ADAM22: variants seen among roughly 807,000 people sequenced by gnomAD.
ADAM22 encodes ADAM metallopeptidase domain 22.
ADAM22 carries 65 observed loss-of-function variants against 144.6 expected under a neutral mutation model. The observed-to-expected ratio is 0.45, with a 90% CI of 0.37 to 0.55. ADAM22 has a LOEUF of 0.55. Among genes scored for constraint, ADAM22 ranks in the 20% least tolerant of loss-of-function variants. ADAM22 has a pLI of 0.00. For synonymous variants in ADAM22, 391 were observed against 412.6 expected, an observed-to-expected ratio of 0.95 and a Z score of 0.63; for missense variants, 974 against 1,184.9, an observed-to-expected ratio of 0.82 and a Z score of 2.61.
intron 2 of ADAM22, among the ~76,000 whole-genome samples, chr7:87,964,258 A>G (rs968999248): frequency 3.2e-4 from 48 of 152,242 alleles, no homozygotes; most frequent in Admixed American, 3.9e-4. Flanking sequence ...TAATGTATAC[A>G]CGTGCACACA....
chr7:88,040,120 A>G (rs927465656), intron 3 of ADAM22, among the ~76,000 whole-genome samples: 2 of 151,480 alleles, frequency 1.3e-5, no homozygotes, highest in Non-Finnish European at 3.0e-5. Context: ...CAAGATCAAC[A>G]CTTCCATTTT....
chr7:88,127,699 ATTGAT>A (rs1389778068), intron 8 of ADAM22, among the ~76,000 whole-genome samples: 2 of 151,922 alleles, frequency 1.3e-5, no homozygotes, highest in African/African-American at 4.8e-5. Context: ...ACATATATGT[ATTGAT>A]TTAAGTTTGA....
chr7:87,947,148 A>C (rs751859644), intron 2 of ADAM22, among the ~76,000 whole-genome samples: 1 of 151,420 alleles, frequency 6.6e-6, no homozygotes, highest in Admixed American at 6.6e-5. Context: ...CCCAAATCTC[A>C]GCATCACTCA....
chr7:88,172,395 G>C (rs10281747), intron 26 of ADAM22, among the ~76,000 whole-genome samples: 22,908 of 151,704 alleles, frequency 0.15, 3,171 homozygotes, highest in African/African-American at 0.37. Context: ...CCTAGACCAG[G>C]TCTTACACAT....
At chr7:88,003,265 A>G (rs1051847271) in intron 3 of ADAM22, among the ~76,000 whole-genome samples, 1 of 152,346 alleles carries the variant, frequency 6.6e-6, no homozygotes, top group Non-Finnish European at 1.5e-5. Flanking sequence ...TCTTTGTTCC[A>G]GAAACTTTAT....
rs1449435828 is a variant in ADAM22 at position 87,935,085 on chromosome 7, A to G, written c.145A>G (p.Ser49Gly). The change falls in exon 2 of 32, where the codon AGC (serine) becomes GGC (glycine). Residue 49 changes from serine (S) to glycine (G), a missense_variant. Ser to Gly is a moderately conservative substitution (Grantham distance 56). Transcript: ENST00000413139. ...RKENRFVERQ[S>G]IVPLRLIYRS... ...GGAAAACCGCTTCGTGGAGCGCCAG[A>G]GCATCGTGCCACTGCGCCTCATCTA... 2.5e-6 allele frequency: 4 copies of G among 1,614,022 alleles called. No individual in the cohort carries two copies. The highest frequency in any genetic ancestry group is 3.4e-6 in the Non-Finnish European group (4 of 1,180,042).
intron 3 of ADAM22, among the ~76,000 whole-genome samples, chr7:88,021,993 C>G (rs1017297189): frequency 6.6e-6 from 1 of 152,042 alleles, no homozygotes; most frequent in African/African-American, 2.4e-5. Flanking sequence ...CCATTTCCGC[C>G]TCCCGAATGT....
rs2237535 is a variant in ADAM22 at position 87,965,427 on chromosome 7, A to C, written c.247-12909A>C. On this transcript the variant is annotated intron_variant, in intron 2 of 31. Coordinates refer to ENST00000413139, the MANE Select transcript of ADAM22 (RefSeq NM_001324418.2). ...TGTTTAAAGTTTGAAACATAGTTCC[A>C]TAGTTTATTATATGTAAATGTGTGA... Among the ~76,000 whole-genome samples the C allele has an allele frequency of 7.5e-3, 1,143 of 152,330 alleles. 14 individuals carry two copies. The highest frequency in any genetic ancestry group is 0.045 in the East Asian group (233 of 5,184).
intron 26 of ADAM22, among the ~76,000 whole-genome samples, chr7:88,175,625 T>G (rs1845461792): frequency 6.6e-6 from 1 of 152,182 alleles, no homozygotes; most frequent in African/African-American, 2.4e-5. Flanking sequence ...TATGAGAAAT[T>G]TGAGGTAATT....
chr7:88,147,102 T>G (rs1444117465), intron 17 of ADAM22, among the ~76,000 whole-genome samples: 1 of 152,210 alleles, frequency 6.6e-6, no homozygotes, highest in Admixed American at 6.5e-5. Flanking sequence ...ATATAATTAT[T>G]TCAAGGAACA....
chr7:87,992,158 T>C (rs563288922), intron 3 of ADAM22, among the ~76,000 whole-genome samples: 4 of 152,334 alleles, frequency 2.6e-5, no homozygotes, highest in Middle Eastern at 3.4e-3. Flanking sequence ...TAAAGCTTCA[T>C]AGAAAAATTG....
intron 2 of ADAM22, among the ~76,000 whole-genome samples, chr7:87,966,007 C>T (rs1193532190): frequency 6.6e-6 from 1 of 152,202 alleles, no homozygotes; most frequent in African/African-American, 2.4e-5. Context: ...CTTTTATATA[C>T]TCTCTTCACC....
intron 22 of ADAM22, among the ~76,000 whole-genome samples, chr7:88,157,178 T>G (rs557110419): frequency 6.6e-6 from 1 of 152,242 alleles, no homozygotes; most frequent in South Asian, 2.1e-4. Flanking sequence ...GAGGAAATTT[T>G]CAATGAGTAA....
intron 3 of ADAM22, among the ~76,000 whole-genome samples, chr7:88,057,050 G>A (rs961552874): frequency 6.6e-6 from 1 of 152,126 alleles, no homozygotes; most frequent in Non-Finnish European, 1.5e-5. Context: ...AATAAAAGCT[G>A]TATTGCTCAA....
rs947125244 is a variant in ADAM22 at position 87,963,346 on chromosome 7, A to T, written c.247-14990A>T. Reference sequence around the variant, plus strand: ...ACAACCCACCCAGTTTTCAGAAGTGAATAAGTTCTCCTAGGGTATCATTTG... The same window carrying T: ...ACAACCCACCCAGTTTTCAGAAGTGTATAAGTTCTCCTAGGGTATCATTTG... On this transcript the variant is annotated intron_variant, in intron 2 of 31. Transcript: ENST00000413139. Among the ~76,000 whole-genome samples the T allele has an allele frequency of 2.0e-5, 3 of 152,200 alleles. No individual in the cohort carries two copies. In the East Asian group the frequency reaches 5.8e-4, roughly 29 times the overall value.
Position 88,153,331 on chromosome 7 carries a change from GGTGGAGACGTCA to G in ADAM22, c.1787+7_1787+18del. The G allele has an allele frequency of 4.4e-6, 7 of 1,608,842 alleles. No homozygotes were observed. The highest frequency in any genetic ancestry group is 5.9e-6 in the Non-Finnish European group (7 of 1,176,560). ...ATGGATACAGTGCAACAAACGGTGA[GGTGGAGACGTCA>G]GCCCAGAATTCATCCCTTGGTCAAT... On this transcript the variant is annotated splice_donor_region_variant and intron_variant, in intron 21 of 31. Transcript: ENST00000413139.
chr7:87,987,867 T>C (rs183271049), intron 3 of ADAM22, among the ~76,000 whole-genome samples: 19 of 152,322 alleles, frequency 1.2e-4, no homozygotes, highest in Non-Finnish European at 2.2e-4. Flanking sequence ...TATTTTCCTG[T>C]GTTTCACCTG....
rs139971104 is a variant in ADAM22, at chr7:88,151,189, T to C, written c.1618-68T>C. The C allele has an allele frequency of 1.1e-5, 18 of 1,596,728 alleles. No individual in the cohort carries two copies. The African/African-American group carries it at 1.3e-4, about 12-fold the overall frequency. On this transcript the variant is annotated intron_variant, in intron 19 of 31. Transcript: ENST00000413139. The stretch of plus-strand genomic sequence containing the variant: ...CATCTATTATTTTTCCCAATCATAG[T>C]TTCTTTTTCAGTTATCTGACATAAG...
intron 4 of ADAM22, among the ~76,000 whole-genome samples, chr7:88,081,120 C>A (rs187478352): frequency 1.8e-3 from 272 of 152,280 alleles, no homozygotes; most frequent in African/African-American, 6.1e-3. Context: ...AATCCAGCAA[C>A]ACATCAAAAA....
Sources: allele counts gnomAD v4.1 joint callset (sites outside exome capture counted in the v4.1 genomes callset), GRCh38; gene constraint gnomAD v4.1.1; transcripts MANE v1.5; gene names NCBI Gene and HGNC (gene_info 2026-07-23, HGNC 2026-07-21).